Variants in CHRM3 observed in about 807,000 individuals in gnomAD.
CHRM3 encodes the protein cholinergic receptor muscarinic 3.
In CHRM3, 11 loss-of-function variants were observed where a neutral mutation model predicts 41.8. That is an observed-to-expected ratio of 0.26 (90% CI 0.17 to 0.44). The LOEUF (loss-of-function observed/expected upper bound fraction) is 0.44, where lower values mean the gene tolerates loss of function less well. Ranked by LOEUF, CHRM3 falls within the 20% of genes least tolerant of loss-of-function variation. CHRM3 has a pLI of 1.00. For synonymous variants in CHRM3, 297 were observed against 301.4 expected, an observed-to-expected ratio of 0.99 and a Z score of 0.15; for missense variants, 571 against 745.4, an observed-to-expected ratio of 0.77 and a Z score of 2.72.
intron 2 of CHRM3, among the ~76,000 whole-genome samples, chr1:239,544,369 G>T (rs1659085748): frequency 6.6e-6 from 1 of 152,042 alleles, no homozygotes; most frequent in Admixed American, 6.6e-5. Flanking sequence ...GTAAAACGTG[G>T]ATTTTTTTCT....
chr1:239,908,737 T>A lies in CHRM3; in HGVS notation c.1286T>A (p.Ile429Asn). ...CCAAAAAGCTTCTCCAAGCTTCCCA[T>A]CCAGCTAGAGTCAGCCGTGGACACA... ...SFPKSFSKLP[I>N]QLESAVDTAK... is the part of the protein sequence containing the mutation. The change falls in exon 7 of 7, where the codon ATC becomes AAC. Residue 429 changes from isoleucine to asparagine, a missense_variant. Ile to Asn is a moderately radical substitution (Grantham distance 149, BLOSUM62 -3). This residue lies in a region of CHRM3 where 239 missense variants were observed against 239.6 expected (regional missense o/e 1.00). Coordinates refer to ENST00000676153, the MANE Select transcript of CHRM3 (RefSeq NM_001375978.1). This position sits in a 1 kb window ranked among gnomAD's most constrained non-coding sequence, Gnocchi z 7.2. 9 of 1,613,696 alleles carry A rather than the reference T, an allele frequency of 5.6e-6. No homozygotes were observed. The highest frequency in any genetic ancestry group is 7.6e-6 in the Non-Finnish European group (9 of 1,179,882).
At chr1:239,538,658 G>A (rs980300638) in intron 2 of CHRM3, among the ~76,000 whole-genome samples, 1 of 152,174 alleles carries the variant, frequency 6.6e-6, no homozygotes, top group African/African-American at 2.4e-5. Flanking sequence ...CATCAGCATA[G>A]CACATGTGGA....
rs59248448 is a variant in CHRM3 at position 239,812,598 on chromosome 1, C to A, written c.-146-14654C>A. ...ATTTTGTATAAAGGTCTGTGTAAGG[C>A]TGACTTACACTAATTGTGTTTTTCT... is the stretch of plus-strand genomic sequence containing the variant. On this transcript the variant is annotated intron_variant, in intron 5 of 6. Coordinates refer to ENST00000676153, the MANE Select transcript of CHRM3 (RefSeq NM_001375978.1). Among the ~76,000 whole-genome samples, 726 of 152,272 alleles carry A rather than the reference C, an allele frequency of 4.8e-3. 8 individuals are homozygous for A. The highest frequency in any genetic ancestry group is 0.017 in the African/African-American group (696 of 41,538).
chr1:239,518,903 C>T (rs1198223321), intron 2 of CHRM3, among the ~76,000 whole-genome samples: 2 of 152,138 alleles, frequency 1.3e-5, no homozygotes, highest in Non-Finnish European at 2.9e-5. Context: ...TACAAATTTA[C>T]CTTCGAAAAG....
At chr1:239,480,543 ATTT>A (rs745979239) in intron 1 of CHRM3, among the ~76,000 whole-genome samples, 15,837 of 110,406 alleles carry the variant, frequency 0.14, 1,236 homozygotes, top group Non-Finnish European at 0.18. Context: ...CGATAGCCCA[ATTT>A]TTTTTTTTTT....
intron 3 of CHRM3, among the ~76,000 whole-genome samples, chr1:239,580,854 G>C (rs977396151): frequency 6.6e-6 from 1 of 151,178 alleles, no homozygotes; most frequent in Non-Finnish European, 1.5e-5. Context: ...TTCTGCAAAA[G>C]TGCTCCTTAG....
chr1:239,643,494 C>T (rs557621262), intron 4 of CHRM3, among the ~76,000 whole-genome samples: 28 of 152,328 alleles, frequency 1.8e-4, no homozygotes, highest in African/African-American at 5.3e-4. Flanking sequence ...CCCCCAGCCG[C>T]GCTGCCGCCT....
chr1:239,567,022 T>A (rs536338628), intron 3 of CHRM3, among the ~76,000 whole-genome samples: 1 of 152,358 alleles, frequency 6.6e-6, no homozygotes, highest in East Asian at 1.9e-4. Context: ...AAGGATTGAA[T>A]GGAGCAATCA....
intron 5 of CHRM3, among the ~76,000 whole-genome samples, chr1:239,824,749 T>G (rs2149066646): frequency 6.6e-6 from 1 of 152,272 alleles, no homozygotes; most frequent in South Asian, 2.1e-4. Flanking sequence ...TTATAAAAAG[T>G]TATAGTAACA....
chr1:239,525,065 T>C (rs1287187321), intron 2 of CHRM3, among the ~76,000 whole-genome samples: 1 of 152,204 alleles, frequency 6.6e-6, no homozygotes, highest in Non-Finnish European at 1.5e-5. Context: ...AATTTTCATG[T>C]ATTAAGATGA....
intron 6 of CHRM3, among the ~76,000 whole-genome samples, chr1:239,902,511 A>G (rs151297220): frequency 6.6e-6 from 1 of 152,318 alleles, no homozygotes; most frequent in Non-Finnish European, 1.5e-5. Context: ...ATAGAGTGGT[A>G]TTAATGTATC....
At chr1:239,544,416 T>C (rs775295807) in intron 2 of CHRM3, among the ~76,000 whole-genome samples, 1 of 152,334 alleles carries the variant, frequency 6.6e-6, no homozygotes, top group Admixed American at 6.5e-5. Context: ...CCTTTTTCTA[T>C]TTTTGAGAAA....
At chr1:239,775,920 T>C (rs1400309891) in intron 5 of CHRM3, among the ~76,000 whole-genome samples, 1 of 152,166 alleles carries the variant, frequency 6.6e-6, no homozygotes, top group Non-Finnish European at 1.5e-5. Context: ...CTGGGAAAGA[T>C]TGATTTGATT....
At chr1:239,475,179 G>A (rs1666385598) in intron 1 of CHRM3, among the ~76,000 whole-genome samples, 1 of 151,948 alleles carries the variant, frequency 6.6e-6, no homozygotes, top group Non-Finnish European at 1.5e-5. Flanking sequence ...TCTGGTTAAG[G>A]GATAATGAAG....
chr1:239,418,577 A>AT (rs1227773653), intron 1 of CHRM3, among the ~76,000 whole-genome samples: 6 of 152,246 alleles, frequency 3.9e-5, no homozygotes, highest in Non-Finnish European at 7.4e-5. Flanking sequence ...TTGGGGAGAA[A>AT]TTTTTTTAAT....
intron 3 of CHRM3, among the ~76,000 whole-genome samples, chr1:239,547,810 AT>A: frequency 1.3e-5 from 2 of 152,328 alleles, no homozygotes; most frequent in South Asian, 4.1e-4. Flanking sequence ...TAGATTCAGA[AT>A]TTCAAAAATG....
intron 1 of CHRM3, among the ~76,000 whole-genome samples, chr1:239,399,142 T>G (rs1659744860): frequency 1.3e-5 from 2 of 152,216 alleles, no homozygotes; most frequent in Non-Finnish European, 1.5e-5. Flanking sequence ...TGATGATGAC[T>G]GCTGATAATT....
chr1:239,474,441 A>G (rs1471071146), intron 1 of CHRM3, among the ~76,000 whole-genome samples: 1 of 152,098 alleles, frequency 6.6e-6, no homozygotes, highest in Non-Finnish European at 1.5e-5. Context: ...GTATATCTAT[A>G]TATTTTGATT....
At chr1:239,684,448 C>A (rs1181531731) in intron 5 of CHRM3, among the ~76,000 whole-genome samples, 2 of 151,938 alleles carry the variant, frequency 1.3e-5, no homozygotes, top group Non-Finnish European at 2.9e-5. Flanking sequence ...AATCTCAGGA[C>A]TTTGGGAGGC....
Sources: gnomAD v4.1 joint callset for allele counts (sites outside exome capture counted in the v4.1 genomes callset) on GRCh38, gnomAD v4.1.1 for gene constraint, gnomAD v4.1.1 regional missense constraint, Gnocchi (gnomAD v3.1) non-coding constraint, MANE v1.5 for transcripts, NCBI Gene and HGNC (gene_info 2026-07-23, HGNC 2026-07-21) for gene names.